SMARCC1: variants seen among roughly 807,000 people sequenced by gnomAD.
SMARCC1 encodes SWI/SNF complex subunit SMARCC1.
SMARCC1 carries 43 observed loss-of-function variants against 147.4 expected under a neutral mutation model. That is an observed-to-expected ratio of 0.29 (90% CI 0.23 to 0.38). The LOEUF (loss-of-function observed/expected upper bound fraction) is 0.38, where lower values mean the gene tolerates loss of function less well. Among genes scored for constraint, SMARCC1 ranks in the 10% least tolerant of loss-of-function variants. The pLI, the probability that SMARCC1 is intolerant of heterozygous loss-of-function variation, is 1.00. For missense variants in SMARCC1, 1,119 were observed against 1,381.1 expected, an observed-to-expected ratio of 0.81 and a Z score of 3.01; for synonymous variants, 495 against 484.4, an observed-to-expected ratio of 1.02 and a Z score of -0.29.
In SMARCC1 at chr3:47,600,998, TGAGAGAGAGAGAGA is replaced by T. The variant is rs66582985; in HGVS notation, c.3043+9054_3043+9067del. Among the ~76,000 whole-genome samples, 621 of 85,198 alleles carry T rather than the reference TGAGAGAGAGAGAGA, an allele frequency of 7.3e-3. 6 individuals are homozygous for T. The highest frequency in any genetic ancestry group is 0.013 in the Middle Eastern group (2 of 152). The allele number at this position is 85,198 out of a possible 152,430, so 55.9% of individuals were successfully genotyped here. Reference sequence around the variant, plus strand: ...CCAGCAGACAGGGAGAGGAAGAAAATGAGAGAGAGAGAGAGAGAGAGAGAGAGAGAGAGAGAGAG... The same window carrying T: ...CCAGCAGACAGGGAGAGGAAGAAAATGAGAGAGAGAGAGAGAGAGAGAGAG... On this transcript the variant is annotated intron_variant, in intron 26 of 27. Coordinates refer to ENST00000254480, the MANE Select transcript of SMARCC1 (RefSeq NM_003074.4).
intron 2 of SMARCC1, among the ~76,000 whole-genome samples, chr3:47,767,692 A>AC (rs1481060511): frequency 6.7e-6 from 1 of 149,958 alleles, no homozygotes; most frequent in Admixed American, 6.7e-5. Flanking sequence ...ACATGGAGAA[A>AC]CCCCGTCTAT....
chr3:47,773,445 C>T (rs1343709756), intron 1 of SMARCC1, among the ~76,000 whole-genome samples: 1 of 150,294 alleles, frequency 6.7e-6, no homozygotes, highest in East Asian at 1.9e-4. Context: ...GAAATATTAT[C>T]CATATTAATG....
intron 19 of SMARCC1, among the ~76,000 whole-genome samples, chr3:47,668,667 G>A (rs1369202515): frequency 6.6e-6 from 1 of 152,082 alleles, no homozygotes; most frequent in Non-Finnish European, 1.5e-5. Context: ...TGGTATATTT[G>A]TTTAATAAAA....
chr3:47,617,714 G>C (rs757245520), intron 25 of SMARCC1, among the ~76,000 whole-genome samples: 2 of 152,104 alleles, frequency 1.3e-5, no homozygotes, highest in African/African-American at 2.4e-5. Context: ...CAAAATGAGC[G>C]GGTGGCATTT....
intron 25 of SMARCC1, among the ~76,000 whole-genome samples, chr3:47,611,003 C>T (rs965272469): frequency 3.9e-5 from 6 of 152,140 alleles, no homozygotes; most frequent in African/African-American, 1.2e-4. Flanking sequence ...CTTAGTTTAA[C>T]GACTACAAGC....
chr3:47,741,590 C>T (rs2034510784), intron 3 of SMARCC1, among the ~76,000 whole-genome samples: 4 of 151,482 alleles, frequency 2.6e-5, no homozygotes, highest in Non-Finnish European at 1.5e-5. Context: ...AACTACTCAA[C>T]GTGAAGACAA....
chr3:47,703,879 C>A (rs2033957665), intron 10 of SMARCC1, among the ~76,000 whole-genome samples: 1 of 152,172 alleles, frequency 6.6e-6, no homozygotes, highest in Non-Finnish European at 1.5e-5. Flanking sequence ...TCACTGCAAG[C>A]TCCGCCTCCT....
intron 4 of SMARCC1, 95 bp downstream of exon 4, chr3:47,737,934 A>AT: frequency 2.7e-6 from 2 of 733,048 alleles, no homozygotes; most frequent in Non-Finnish European, 4.4e-6. Flanking sequence ...AAGTGCTGGG[A>AT]TTACAGGCAT....
rs946086978 is a variant in SMARCC1 at position 47,586,297 on chromosome 3, A to G, written c.*1912T>C. 6 of 152,230 alleles carry G rather than the reference A, an allele frequency of 3.9e-5. No individual in the cohort carries two copies. The highest frequency in any genetic ancestry group is 5.9e-5 in the Non-Finnish European group (4 of 68,040). 9.4% of individuals were successfully genotyped at this position (152,230 alleles called of 1,614,324 possible). ...TTTCCTTCTCGGACTCCAGGGGAAA[A>G]AAGAAGTATTTGGAATGAGTTTCCT... is the stretch of plus-strand genomic sequence containing the variant. On this transcript the variant is annotated 3_prime_UTR_variant, in exon 28 of 28. Transcript: ENST00000254480.
At chr3:47,652,196 G>A (rs950161497) in intron 21 of SMARCC1, among the ~76,000 whole-genome samples, 1 of 151,980 alleles carries the variant, frequency 6.6e-6, no homozygotes, top group Non-Finnish European at 1.5e-5. Context: ...GGCTGGTCTC[G>A]AAATCCTGGC....
intron 26 of SMARCC1, among the ~76,000 whole-genome samples, chr3:47,599,328 A>G (rs2032349342): frequency 1.3e-5 from 2 of 152,312 alleles, no homozygotes; most frequent in Non-Finnish European, 2.9e-5. Flanking sequence ...GGTTAGAGTG[A>G]GCAGAGATCA....
chr3:47,683,328 G>C (rs1242893103), intron 14 of SMARCC1, among the ~76,000 whole-genome samples: 1 of 151,982 alleles, frequency 6.6e-6, no homozygotes, highest in Non-Finnish European at 1.5e-5. Context: ...TTGCAGGTGT[G>C]AGCCATCGCG....
At chr3:47,670,258 A>G (rs1181816847) in intron 19 of SMARCC1, 1 of 172,002 alleles carries the variant, frequency 5.8e-6, no homozygotes, top group Admixed American at 6.3e-5. Context: ...TTTGAGCTCC[A>G]GTGGACACTT....
intron 6 of SMARCC1, among the ~76,000 whole-genome samples, chr3:47,728,288 A>G (rs1235347904): frequency 6.7e-6 from 1 of 148,728 alleles, no homozygotes; most frequent in Non-Finnish European, 1.5e-5. Context: ...GGGTTTCACC[A>G]TTTTGGTCAG....
chr3:47,696,100 G>A (rs2033849057), intron 11 of SMARCC1, among the ~76,000 whole-genome samples: 1 of 150,260 alleles, frequency 6.7e-6, no homozygotes, highest in Admixed American at 6.6e-5. Flanking sequence ...GCCAGGCGAG[G>A]TGGCTCATGC....
chr3:47,614,979 T>A (rs1315378270), intron 25 of SMARCC1, among the ~76,000 whole-genome samples: 1 of 152,330 alleles, frequency 6.6e-6, no homozygotes, highest in African/African-American at 2.4e-5. Flanking sequence ...TCTCTGAACA[T>A]GTCAGTCATA....
intron 19 of SMARCC1, among the ~76,000 whole-genome samples, chr3:47,664,839 A>T (rs1360329505): frequency 2.0e-5 from 3 of 152,152 alleles, no homozygotes; most frequent in Non-Finnish European, 2.9e-5. Context: ...CTCCACCCCA[A>T]CAACAAAAAA....
At chr3:47,689,255 CA>C (rs376751936) in intron 13 of SMARCC1, 131 bp downstream of exon 13, 423 of 663,774 alleles carry the variant, frequency 6.4e-4, no homozygotes, top group South Asian at 8.5e-4. Context: ...AAACTAAAAA[CA>C]AAAAAAAATT....
intron 1 of SMARCC1, among the ~76,000 whole-genome samples, chr3:47,773,896 C>T (rs552099263): frequency 2.6e-5 from 4 of 152,118 alleles, no homozygotes; most frequent in East Asian, 3.9e-4. Flanking sequence ...CCACCCAAAG[C>T]GCTAGGATTA....
Sources: allele counts gnomAD v4.1 joint callset (sites outside exome capture counted in the v4.1 genomes callset), GRCh38; gene constraint gnomAD v4.1.1; transcripts MANE v1.5; gene names NCBI Gene and HGNC (gene_info 2026-07-23, HGNC 2026-07-21).